SMC1B: variants seen among roughly 807,000 people sequenced by gnomAD.
SMC1B encodes structural maintenance of chromosomes protein 1B.
SMC1B carries 60 observed loss-of-function variants against 157.9 expected under a neutral mutation model. The ratio of observed to expected loss-of-function variants is 0.38; its 90% CI spans 0.31 to 0.47. SMC1B has a LOEUF of 0.47. Among genes scored for constraint, SMC1B ranks in the 20% least tolerant of loss-of-function variants. The pLI is 0.99. For missense variants in SMC1B, 1,165 were observed against 1,426.2 expected (o/e 0.82, Z 2.95); for synonymous variants, 445 against 483.0 (o/e 0.92, Z 1.03).
chr22:45,364,824 CTTTTTTTTTTTTTTTTT>C (rs202166311), intron 15 of SMC1B, among the ~76,000 whole-genome samples: 15 of 105,498 alleles, frequency 1.4e-4, no homozygotes, highest in Admixed American at 2.0e-4. Flanking sequence ...ATCTCTTTTC[CTTTTTTTTTTTTTTTTT>C]TTTTTTTTTT....
chr22:45,351,640 C>T (rs542660258), intron 22 of SMC1B, among the ~76,000 whole-genome samples: 21 of 152,326 alleles, frequency 1.4e-4, no homozygotes, highest in African/African-American at 4.8e-4. Flanking sequence ...CCTCGAACTC[C>T]TGGGCTCCAG....
At position 45,355,087 on chromosome 22, in the gene SMC1B, G is replaced by T; in HGVS notation, c.2990C>A (p.Ala997Asp). The stretch of plus-strand genomic sequence containing the variant: ...TTGCTGCAATAAGAGCCTAAGGTGG[G>T]CCTCGATTTCTTGATCAGACTGTAG... ...KALQSDQEIE[A>D]HLRLLLQQVA... Residue 997 changes from alanine to aspartate, a missense_variant, in exon 20 of 25, where the codon GCC becomes GAC. By Grantham distance (126) the Ala-to-Asp change is moderately radical. Transcript: ENST00000357450. 6.2e-7 allele frequency: 1 copy of T among 1,614,164 alleles called. No individual in the cohort carries two copies. The highest frequency in any genetic ancestry group is 1.6e-4 in the Middle Eastern group (1 of 6,062).
In SMC1B at chr22:45,393,829, T is replaced by A; in HGVS notation, c.1350A>T (p.Lys450Asn). Residue 450 changes from lysine (K) to asparagine (N), a missense_variant, in exon 9 of 25, where the codon AAA becomes AAT. Transcript: ENST00000357450. ...EYTKTCMDCL[K>N]EKKQQEETLV... ...GGGTTTCCTCTTGCTGTTTTTTCTC[T>A]TTCAAGCAATCCCTACAAAATAACA... 3 of 1,607,532 alleles carry A rather than the reference T, an allele frequency of 1.9e-6. No individual in the cohort carries two copies. The highest frequency in any genetic ancestry group is 2.5e-6 in the Non-Finnish European group (3 of 1,176,716).
chr22:45,362,125 CTGTGACT>C, intron 16 of SMC1B, 141 bp from the exon 17 acceptor site: 1 of 708,204 alleles, frequency 1.4e-6, no homozygotes. Flanking sequence ...CCATCGTGGA[CTGTGACT>C]CACGTTCTAC....
rs756468204 is a variant in SMC1B, at chr22:45,402,359, T to C, written c.828A>G (p.Gln276=). 1 of 1,611,974 alleles carries C rather than the reference T, an allele frequency of 6.2e-7. No homozygotes were observed. The highest frequency in any genetic ancestry group is 1.1e-5 in the South Asian group (1 of 90,448). The change falls in exon 5 of 25, where the codon CAA becomes CAG. Residue 276 remains glutamine, a synonymous_variant. Transcript: ENST00000357450. ...RKKEHGMLTR[Q]LQQTEKELKS... ...TTAATTCTTTTTCTGTTTGTTGTAG[T>C]TGTCTAGTTAGCATTCCATGTTCCT...
Position 45,355,036 on chromosome 22 carries a change from AG to A in SMC1B, c.3040del (p.Leu1014Ter). 1 of 1,614,222 alleles carries A rather than the reference AG, an allele frequency of 6.2e-7. No individual in the cohort carries two copies. Among genetic ancestry groups the A allele is most frequent in the Non-Finnish European group, 8.5e-7 (1 of 1,180,038 alleles). Reference protein sequence around the residue: ...QQVASQEDILLKTAAPNLRAL... With the variant: ...QQVASQEDILXKTAAPNLRAL... ...TCGTAGGTTTGGGGCTGCTGTTTTC[AG>A]TAAGATATCTTCCTGGGATGCTACT... On this transcript the variant is annotated frameshift_variant, in exon 20 of 25. Transcript: ENST00000357450. LOFTEE classifies it high-confidence loss of function.
At chr22:45,348,671 C>T (rs997319986) in intron 23 of SMC1B, among the ~76,000 whole-genome samples, 1 of 151,966 alleles carries the variant, frequency 6.6e-6, no homozygotes, top group Non-Finnish European at 1.5e-5. Context: ...TGAAGACTAC[C>T]CTGAATCAAC....
chr22:45,348,936 T>C (rs2086580178), intron 23 of SMC1B, among the ~76,000 whole-genome samples: 1 of 151,816 alleles, frequency 6.6e-6, no homozygotes. Flanking sequence ...ACTCTTGGAC[T>C]CAAGCAATCC....
At chr22:45,409,073 T>C (rs965028603) in intron 1 of SMC1B, among the ~76,000 whole-genome samples, 175 bp from the exon 2 acceptor site, 1 of 152,248 alleles carries the variant, frequency 6.6e-6, no homozygotes, top group Non-Finnish European at 1.5e-5. Flanking sequence ...ATTTCTTCTA[T>C]GCATCTATTG....
At chr22:45,385,938 T>C (rs2086984945) in intron 11 of SMC1B, among the ~76,000 whole-genome samples, 1 of 152,084 alleles carries the variant, frequency 6.6e-6, no homozygotes, top group South Asian at 2.1e-4. Context: ...TGCCTGCTTT[T>C]TGTTAATTTG....
chr22:45,391,852 G>T (rs549831832), intron 9 of SMC1B, among the ~76,000 whole-genome samples: 2 of 152,244 alleles, frequency 1.3e-5, no homozygotes, highest in African/African-American at 4.8e-5. Flanking sequence ...TGAAGAGAGG[G>T]CTTCAAAATG....
intron 12 of SMC1B, among the ~76,000 whole-genome samples, chr22:45,375,535 G>C (rs551766403): frequency 1.4e-4 from 21 of 152,162 alleles, no homozygotes; most frequent in Non-Finnish European, 2.4e-4. Flanking sequence ...ACTATTTCTT[G>C]ATTTTAACTG....
Position 45,377,703 on chromosome 22 carries a change from T to C in SMC1B, c.2059-5411A>G, listed in dbSNP as rs567363151. Among the ~76,000 whole-genome samples the C allele has an allele frequency of 4.6e-4, 70 of 152,244 alleles. No homozygotes were observed. The Middle Eastern group carries it at 0.01, about 22-fold the overall frequency. ...GTGGGTATTCTAATTTCTTTTATTT[T>C]TGTTTATTTTTAAATAGAGATGGGG... On this transcript the variant is annotated intron_variant, in intron 12 of 24. Transcript: ENST00000357450.
chr22:45,354,955 T>C lies in SMC1B; in HGVS notation c.3118+4A>G. ...ATCTTGTTAGTGACTACACTCAATT[T>C]TACCATCTGTGGACTCTTGAAACTT... is the stretch of plus-strand genomic sequence containing the variant. On this transcript the variant is annotated splice_donor_region_variant and intron_variant, in intron 20 of 24. Coordinates refer to ENST00000357450, the MANE Select transcript of SMC1B (RefSeq NM_148674.5). 6.2e-7 allele frequency: 1 copy of C among 1,613,944 alleles called. No homozygotes were observed. Among genetic ancestry groups the C allele is most frequent in the Non-Finnish European group, 8.5e-7 (1 of 1,179,874 alleles).
chr22:45,362,324 C>G (rs1259734874), intron 16 of SMC1B, among the ~76,000 whole-genome samples: 1 of 152,162 alleles, frequency 6.6e-6, no homozygotes, highest in Admixed American at 6.5e-5. Context: ...TTTTTGACAG[C>G]CTTGATCATT....
intron 9 of SMC1B, among the ~76,000 whole-genome samples, chr22:45,392,709 CTT>C (rs1447587960): frequency 6.6e-6 from 1 of 151,532 alleles, no homozygotes; most frequent in Admixed American, 6.6e-5. Context: ...TAGATGTTTC[CTT>C]TTTTTTGGAG....
chr22:45,407,855 T>C (rs115914315), intron 2 of SMC1B, among the ~76,000 whole-genome samples: 1,563 of 152,304 alleles, frequency 0.01, 25 homozygotes, highest in African/African-American at 0.036. Context: ...CTCAAAAGAA[T>C]GCAACCACTG....
rs998357088 is a variant in SMC1B, at chr22:45,372,361, A to T, written c.2059-69T>A. On this transcript the variant is annotated intron_variant, in intron 12 of 24. Transcript: ENST00000357450. ...CACTTTCACTTTTCAAAGTGCTTTC[A>T]TATGTAATAATTCACTGATTTTTAC... is the stretch of plus-strand genomic sequence containing the variant. The T allele has an allele frequency of 8.2e-6, 11 of 1,334,090 alleles. No individual in the cohort carries two copies. The African/African-American group carries it at 1.3e-4, about 16-fold the overall frequency. The allele number at this position is 1,334,090 out of a possible 1,614,324, so 82.6% of individuals were successfully genotyped here.
chr22:45,352,692 G>A, intron 21 of SMC1B, 90 bp from the exon 22 acceptor site: 1 of 1,284,778 alleles, frequency 7.8e-7, no homozygotes, highest in South Asian at 1.5e-5. Context: ...CTATTGGTTA[G>A]CTTTTCTTCA....
Sources: gnomAD v4.1 joint callset for allele counts (sites outside exome capture counted in the v4.1 genomes callset) on GRCh38, gnomAD v4.1.1 for gene constraint, MANE v1.5 for transcripts, NCBI Gene and HGNC (gene_info 2026-07-23, HGNC 2026-07-21) for gene names.